Variants in ZNF732 observed in about 807,000 individuals in gnomAD.
ZNF732 encodes zinc finger protein 732.
A neutral mutation model predicts 11.5 loss-of-function variants in ZNF732; 12 were observed. The observed-to-expected ratio is 1.05, with a 90% CI of 0.67 to 1.70. The LOEUF is 1.70. Among genes scored for constraint, ZNF732 ranks in the 40% most tolerant of loss-of-function variants. ZNF732 has a pLI of 0.00. For synonymous variants in ZNF732, 231 were observed against 236.5 expected, an observed-to-expected ratio of 0.98 and a Z score of 0.21; for missense variants, 702 against 676.9, an observed-to-expected ratio of 1.04 and a Z score of -0.41.
intron 3 of ZNF732, among the ~76,000 whole-genome samples, chr4:287,366 C>T (rs1318402295): frequency 6.7e-6 from 1 of 150,250 alleles, no homozygotes; most frequent in Non-Finnish European, 1.5e-5. Flanking sequence ...AGGTGTGTGC[C>T]ATCACGTCCA....
chr4:285,033 T>C (rs886960411), intron 3 of ZNF732, among the ~76,000 whole-genome samples: 1 of 152,126 alleles, frequency 6.6e-6, no homozygotes, highest in Non-Finnish European at 1.5e-5. Flanking sequence ...GAGGATTAAG[T>C]CTGTTTCTAT....
intron 3 of ZNF732, among the ~76,000 whole-genome samples, chr4:292,030 A>C (rs1345564564): frequency 2.0e-5 from 3 of 152,204 alleles, no homozygotes; most frequent in African/African-American, 7.2e-5. Context: ...GAATAAAAGT[A>C]GATCATTTTC....
At chr4:276,217 A>G (rs1719492365) in intron 3 of ZNF732, among the ~76,000 whole-genome samples, 1 of 151,858 alleles carries the variant, frequency 6.6e-6, no homozygotes, top group African/African-American at 2.4e-5. Context: ...CAAACAAAAT[A>G]AGTATACAAC....
chr4:305,185 A>C, intron 1 of ZNF732, 123 bp downstream of exon 1: 2 of 1,362,466 alleles, frequency 1.5e-6, no homozygotes, highest in Non-Finnish European at 2.0e-6. Context: ...GGAAGGGACC[A>C]AGGACTGAGG....
chr4:304,320 G>T (rs1720180972), intron 1 of ZNF732, among the ~76,000 whole-genome samples: 1 of 151,782 alleles, frequency 6.6e-6, no homozygotes, highest in Non-Finnish European at 1.5e-5. Flanking sequence ...TCCCCGGAAG[G>T]AGACCTGGAG....
At position 272,566 on chromosome 4, in the gene ZNF732, T is replaced by C. The variant is rs1234771610; in HGVS notation, c.291A>G (p.Lys97=). The change falls in exon 4 of 4, where the codon AAA becomes AAG. Residue 97 remains lysine (K), a synonymous_variant. Transcript: ENST00000419098. ...ATTTCTCATATCTTCTTAATATAAG[T>C]TTGTGGAACGAATCTTCTATCCCCT... ...PVQGIEDSFH[K]LILRRYEKCG... 1.3e-6 allele frequency: 2 copies of C among 1,592,708 alleles called. No homozygotes were observed. Among genetic ancestry groups the C allele is most frequent in the Non-Finnish European group, 1.7e-6 (2 of 1,171,394 alleles).
intron 3 of ZNF732, among the ~76,000 whole-genome samples, chr4:285,526 C>T (rs2108656024): frequency 6.6e-6 from 1 of 152,286 alleles, no homozygotes; most frequent in East Asian, 1.9e-4. Flanking sequence ...AGTGTGGCCA[C>T]ACCATTGCCT....
chr4:272,550 ATCT>A lies in ZNF732; in HGVS notation c.304_306del (p.Arg102del). ...AAATTCTCATGTCCACATTTCTCAT[ATCT>A]TCTTAATATAAGTTTGTGGAACGAA... On this transcript the variant is annotated inframe_deletion, in exon 4 of 4. Coordinates refer to ENST00000419098, the MANE Select transcript of ZNF732 (RefSeq NM_001137608.3). 6.2e-7 allele frequency: 1 copy of A among 1,600,570 alleles called. No individual in the cohort carries two copies. The highest frequency in any genetic ancestry group is 8.5e-7 in the Non-Finnish European group (1 of 1,173,986).
chr4:305,355 C>T lies in ZNF732; in HGVS notation c.-45G>A. The T allele has an allele frequency of 6.2e-7, 1 of 1,606,522 alleles. No individual in the cohort carries two copies. Among genetic ancestry groups the T allele is most frequent in the Non-Finnish European group, 8.5e-7 (1 of 1,179,596 alleles). On this transcript the variant is annotated 5_prime_UTR_variant, in exon 1 of 4. Coordinates refer to ENST00000419098, the MANE Select transcript of ZNF732 (RefSeq NM_001137608.3). ...AGCGGAGTCTCAGCTACGAATCATC[C>T]AATACCCGCAGGTCACAGAGCGACG...
At chr4:286,150 A>G (rs1340401845) in intron 3 of ZNF732, among the ~76,000 whole-genome samples, 2 of 152,250 alleles carry the variant, frequency 1.3e-5, no homozygotes, top group African/African-American at 2.4e-5. Flanking sequence ...TTAATATAAC[A>G]AGCAATCCTG....
Position 304,566 on chromosome 4 carries a change from G to GCC in ZNF732, c.3+740_3+741dup, listed in dbSNP as rs34949567. On this transcript the variant is annotated intron_variant, in intron 1 of 3. Transcript: ENST00000419098. ...CAAGCTCAGCGCTCTTCCCGCAGCT[G>GCC]CCCCCCCCCTGCAGACGGCAGTCCC... 2.9e-4 allele frequency among the ~76,000 whole-genome samples: 43 copies of GCC among 150,810 alleles called. 1 individual carries two copies. Among genetic ancestry groups the GCC allele is most frequent in the South Asian group, 1.9e-3 (9 of 4,756 alleles).
chr4:275,252 C>G (rs73791811), intron 3 of ZNF732, among the ~76,000 whole-genome samples: 155 of 151,636 alleles, frequency 1.0e-3, no homozygotes, highest in African/African-American at 3.7e-3. Context: ...AAAAAATTTA[C>G]ATATTTATAG....
chr4:286,278 A>G (rs1307012945), intron 3 of ZNF732, among the ~76,000 whole-genome samples: 3 of 152,252 alleles, frequency 2.0e-5, no homozygotes, highest in African/African-American at 7.2e-5. Context: ...TTATTGAAAC[A>G]GTTTATAACT....
chr4:279,685 A>G (rs1719578301), intron 3 of ZNF732, among the ~76,000 whole-genome samples: 6 of 152,210 alleles, frequency 3.9e-5, no homozygotes, highest in African/African-American at 7.2e-5. Flanking sequence ...GAAAACCTTT[A>G]AGCAATGTTA....
At chr4:304,293 G>T (rs1176547021) in intron 1 of ZNF732, among the ~76,000 whole-genome samples, 1 of 151,536 alleles carries the variant, frequency 6.6e-6, no homozygotes, top group Non-Finnish European at 1.5e-5. Context: ...TTTCCTCTAA[G>T]TTCCCAGTCC....
chr4:275,756 T>C (rs1174055359), intron 3 of ZNF732, among the ~76,000 whole-genome samples: 1 of 150,166 alleles, frequency 6.7e-6, no homozygotes, highest in Non-Finnish European at 1.5e-5. Flanking sequence ...AAGCAAAAAA[T>C]AAACAAGTAC....
intron 1 of ZNF732, among the ~76,000 whole-genome samples, chr4:299,441 A>ATATATACACATATGTG (rs1720047708): frequency 7.5e-5 from 4 of 53,158 alleles, no homozygotes; most frequent in Admixed American, 6.9e-4. Context: ...ATGTGTATAT[A>ATATATACACATATGTG]TATATATATA....
chr4:278,452 T>A (rs1719546612), intron 3 of ZNF732, among the ~76,000 whole-genome samples: 1 of 152,236 alleles, frequency 6.6e-6, no homozygotes, highest in Non-Finnish European at 1.5e-5. Flanking sequence ...ACAGATATTC[T>A]GACACATCTT....
rs1174596102 is a variant in ZNF732 at position 272,276 on chromosome 4, G to C, written c.581C>G (p.Pro194Arg). The change falls in exon 4 of 4, where the codon CCC becomes CGC. Residue 194 changes from proline (P) to arginine (R), a missense_variant. Around this residue, in one of 3 missense-constraint regions of ZNF732, gnomAD observed 596 missense variants for 557.9 expected, o/e 1.07. Coordinates refer to ENST00000419098, the MANE Select transcript of ZNF732 (RefSeq NM_001137608.3). ...TTTGCCACATTCTTCACATGTGTAG[G>C]GTTTCTCTCCAGCATGAATTCCTTG... ...QHQGIHAGEK[P>R]YTCEECGKDF... The C allele has an allele frequency of 3.1e-6, 5 of 1,613,138 alleles. No homozygotes were observed. Among genetic ancestry groups the C allele is most frequent in the Non-Finnish European group, 4.2e-6 (5 of 1,179,574 alleles).
Sources: gnomAD v4.1 joint callset for allele counts (sites outside exome capture counted in the v4.1 genomes callset) on GRCh38, gnomAD v4.1.1 for gene constraint, gnomAD v4.1.1 regional missense constraint, MANE v1.5 for transcripts, NCBI Gene and HGNC (gene_info 2026-07-23, HGNC 2026-07-21) for gene names.